DPY19L4: variants seen among roughly 807,000 people sequenced by gnomAD.
The protein encoded by DPY19L4 is probable C-mannosyltransferase DPY19L4.
In DPY19L4, 97 loss-of-function variants were observed where a neutral mutation model predicts 102.8. That is an observed-to-expected ratio of 0.94 (90% confidence interval 0.80 to 1.12). The LOEUF (loss-of-function observed/expected upper bound fraction) is 1.12. Among genes scored for constraint, DPY19L4 ranks in the 50% most tolerant of loss-of-function variants. The pLI is 0.00. For missense variants in DPY19L4, 815 were observed against 850.4 expected (o/e 0.96, Z 0.52); for synonymous variants, 252 against 283.1 (o/e 0.89, Z 1.10).
At chr8:94,736,015 A>T (rs1329443234) in intron 3 of DPY19L4, among the ~76,000 whole-genome samples, 1 of 152,164 alleles carries the variant, frequency 6.6e-6, no homozygotes, top group Non-Finnish European at 1.5e-5. Context: ...AACAACAGAA[A>T]TTTATTTCTC....
chr8:94,744,966 C>T (rs542438542), intron 6 of DPY19L4: 70 of 169,630 alleles, frequency 4.1e-4, no homozygotes, highest in Non-Finnish European at 7.1e-4. Context: ...CTGCAAAATA[C>T]ATTTTAATGC....
chr8:94,746,013 C>T (rs1029686093), intron 6 of DPY19L4, among the ~76,000 whole-genome samples: 39 of 150,866 alleles, frequency 2.6e-4, no homozygotes, highest in African/African-American at 9.3e-4. Context: ...CTCAGCCTCC[C>T]AACATGCTGG....
At position 94,792,800 on chromosome 8, in the gene DPY19L4, A is replaced by G. The variant is rs773176806; in HGVS notation, c.*2890A>G. The G allele has an allele frequency of 2.6e-5, 4 of 152,262 alleles. No individual in the cohort carries two copies. The highest frequency in any genetic ancestry group is 4.8e-5 in the African/African-American group (2 of 41,424). 9.4% of individuals were successfully genotyped at this position (152,262 alleles called of 1,614,324 possible). A position where few individuals can be genotyped will look rare whatever the true frequency, so the allele number is the denominator to read the frequency against. On this transcript the variant is annotated 3_prime_UTR_variant, in exon 19 of 19. Coordinates refer to ENST00000414645, the MANE Select transcript of DPY19L4 (RefSeq NM_181787.3). ...AAGCGGCGAGGCGGAGCTTGCGGTG[A>G]GCCGAGATCATGCCGCTGCACTCCA...
At chr8:94,739,845 G>C (rs1811365364) in intron 6 of DPY19L4, 55 bp downstream of exon 6, 7 of 1,585,118 alleles carry the variant, frequency 4.4e-6, no homozygotes, top group East Asian at 2.2e-5. Flanking sequence ...GTAGTAGTCA[G>C]AGTTCTGAAA....
intron 13 of DPY19L4, among the ~76,000 whole-genome samples, chr8:94,776,748 T>C (rs1357366174): frequency 2.0e-5 from 3 of 151,770 alleles, no homozygotes; most frequent in Admixed American, 2.0e-4. Flanking sequence ...GTGGATCACT[T>C]GAGGTCAGGA....
chr8:94,759,430 G>A (rs545952067), intron 7 of DPY19L4, among the ~76,000 whole-genome samples: 1 of 150,526 alleles, frequency 6.6e-6, no homozygotes, highest in South Asian at 2.1e-4. Flanking sequence ...AACCCAGGAA[G>A]TTCAGCTGGC....
At chr8:94,786,308 A>G (rs1398215588) in intron 17 of DPY19L4, among the ~76,000 whole-genome samples, 3 of 151,936 alleles carry the variant, frequency 2.0e-5, no homozygotes, top group African/African-American at 4.8e-5. Context: ...TTATGTTAGT[A>G]GAGACAGGGT....
intron 18 of DPY19L4, among the ~76,000 whole-genome samples, chr8:94,789,452 C>T (rs1005922063): frequency 3.3e-5 from 5 of 151,946 alleles, no homozygotes; most frequent in African/African-American, 2.4e-5. Flanking sequence ...ATAAGGTCTT[C>T]GGAGCGATGA....
Position 94,739,339 on chromosome 8 carries a change from TTTAAGGAC to T in DPY19L4, c.344-72_344-65del, listed in dbSNP as rs550601240. Reference sequence around the variant, plus strand: ...TCTTTCTTGATAACAATATTAAATATTTAAGGACTAATGACATGTTTAATTACTGTGAA... The same window carrying T: ...TCTTTCTTGATAACAATATTAAATATTAATGACATGTTTAATTACTGTGAA... On this transcript the variant is annotated intron_variant, in intron 4 of 18. Transcript: ENST00000414645. 1.9e-3 allele frequency: 2,771 copies of T among 1,450,296 alleles called. 9 individuals are homozygous for T. Among genetic ancestry groups the T allele is most frequent in the Non-Finnish European group, 2.3e-3 (2,495 of 1,097,532 alleles). The allele number at this position is 1,450,296 out of a possible 1,614,324, so 89.8% of individuals were successfully genotyped here.
At chr8:94,783,087 A>T (rs929936155) in intron 16 of DPY19L4, among the ~76,000 whole-genome samples, 53 of 152,242 alleles carry the variant, frequency 3.5e-4, no homozygotes, top group African/African-American at 1.2e-3. Context: ...TGAATAAATA[A>T]GTGAATGTAT....
At chr8:94,736,118 TTGC>T (rs1811178832) in intron 3 of DPY19L4, among the ~76,000 whole-genome samples, 1 of 152,180 alleles carries the variant, frequency 6.6e-6, no homozygotes, top group African/African-American at 2.4e-5. Flanking sequence ...AGGGATCATC[TTGC>T]TGCATCCTCA....
At position 94,759,500 on chromosome 8, in the gene DPY19L4, C is replaced by CTT. The variant is rs1161705507; in HGVS notation, c.736-2178_736-2177dup. 2.2e-3 allele frequency among the ~76,000 whole-genome samples: 149 copies of CTT among 67,372 alleles called. 6 individuals are homozygous for CTT. The highest frequency in any genetic ancestry group is 4.7e-3 in the African/African-American group (86 of 18,138). 44.2% of individuals were successfully genotyped at this position (67,372 alleles called of 152,430 possible). On this transcript the variant is annotated intron_variant, in intron 7 of 18. Transcript: ENST00000414645. The stretch of plus-strand genomic sequence containing the variant: ...AGCCACTGTGCCTGGTCTACATGTT[C>CTT]TTTTTTTTTTTTTTTTTTTTTTTGA...
chr8:94,739,637 C>T lies in DPY19L4; in HGVS notation c.466-8C>T, dbSNP rs1811349045. The T allele has an allele frequency of 6.2e-7, 1 of 1,612,110 alleles. No individual in the cohort carries two copies. The highest frequency in any genetic ancestry group is 1.7e-5 in the Admixed American group (1 of 59,650). On this transcript the variant is annotated splice_polypyrimidine_tract_variant and splice_region_variant and intron_variant, in intron 5 of 18. Coordinates refer to ENST00000414645, the MANE Select transcript of DPY19L4 (RefSeq NM_181787.3). ...TTGTCTTGTTCTCTTTCTGTTTTTTCCACATAGGAGATTATTGAGCCAGTG... is the reference window on the plus strand; with the variant it reads ...TTGTCTTGTTCTCTTTCTGTTTTTTTCACATAGGAGATTATTGAGCCAGTG...
At chr8:94,761,638 C>A in intron 7 of DPY19L4, 62 bp from the exon 8 acceptor site, 2 of 1,415,372 alleles carry the variant, frequency 1.4e-6, no homozygotes, top group South Asian at 1.8e-5. Context: ...AGGTAACAGT[C>A]TCATAGGCTT....
At position 94,790,798 on chromosome 8, in the gene DPY19L4, T is replaced by A. The variant is rs1257667730; in HGVS notation, c.*888T>A. 1 of 152,142 alleles carries A rather than the reference T, an allele frequency of 6.6e-6. No homozygotes were observed. Among genetic ancestry groups the A allele is most frequent in the East Asian group, 1.9e-4 (1 of 5,202 alleles). The allele number at this position is 152,142 out of a possible 1,614,324, so 9.4% of individuals were successfully genotyped here. On this transcript the variant is annotated 3_prime_UTR_variant, in exon 19 of 19. Transcript: ENST00000414645. ...ATCATTATCAGAATAAAAATATGTG[T>A]TCTAAAATTAGCAACAATTTCTGGG...
chr8:94,760,367 C>T (rs1460039493), intron 7 of DPY19L4, among the ~76,000 whole-genome samples: 2 of 152,146 alleles, frequency 1.3e-5, no homozygotes, highest in East Asian at 1.9e-4. Context: ...GTTTGTTCCA[C>T]GTTAGAAGGC....
chr8:94,789,218 T>C (rs866565016), intron 18 of DPY19L4, among the ~76,000 whole-genome samples: 2 of 152,348 alleles, frequency 1.3e-5, no homozygotes, highest in South Asian at 2.1e-4. Context: ...CCTTTTAAAG[T>C]TGGCTATCTG....
intron 16 of DPY19L4, among the ~76,000 whole-genome samples, chr8:94,782,428 G>A (rs1813471392): frequency 6.6e-6 from 1 of 151,524 alleles, no homozygotes; most frequent in Non-Finnish European, 1.5e-5. Context: ...TGTCCTATTG[G>A]CCAAAGCAAG....
intron 11 of DPY19L4, 78 bp downstream of exon 11, chr8:94,766,763 C>T: frequency 1.5e-6 from 2 of 1,294,640 alleles, no homozygotes; most frequent in Non-Finnish European, 2.2e-6. Context: ...GATGGCCGGG[C>T]ATAGTGGCTC....
Sources: gnomAD v4.1 joint callset for allele counts (sites outside exome capture counted in the v4.1 genomes callset) on GRCh38, gnomAD v4.1.1 for gene constraint, MANE v1.5 for transcripts, NCBI Gene and HGNC (gene_info 2026-07-23, HGNC 2026-07-21) for gene names.